The following SEC23IP variants were observed in gnomAD, a reference collection of about 807,000 sequenced individuals.
The protein encoded by SEC23IP is SEC23-interacting protein.
A neutral mutation model predicts 113.4 loss-of-function variants in SEC23IP; 70 were observed. That is an observed-to-expected ratio of 0.62 (90% CI 0.51 to 0.75). SEC23IP has a LOEUF of 0.75. SEC23IP is among the 30% of genes least tolerant of loss of function. The pLI, the probability that SEC23IP is intolerant of heterozygous loss-of-function variation, is 0.00. For synonymous variants in SEC23IP, 398 were observed against 421.0 expected, an observed-to-expected ratio of 0.95 and a Z score of 0.67; for missense variants, 1,160 against 1,204.9, an observed-to-expected ratio of 0.96 and a Z score of 0.55.
rs147878045 is a variant in SEC23IP at position 119,915,751 on chromosome 10, A to G, written c.1406A>G (p.Asp469Gly). The G allele has an allele frequency of 3.9e-6, 6 of 1,531,322 alleles. No homozygotes were observed. The African/African-American group carries it at 5.7e-5, about 15-fold the overall frequency. 94.9% of individuals were successfully genotyped at this position (1,531,322 alleles called of 1,614,324 possible). Reference sequence around the variant, plus strand: ...CTTTTTTTTTTTTCTTTTGAAGTGGATGATTTTAGGGTGGTTTCTCTCAAA... The same window carrying G: ...CTTTTTTTTTTTTCTTTTGAAGTGGGTGATTTTAGGGTGGTTTCTCTCAAA... ...LRFRSIIECV[D>G]DFRVVSLKLL... The change falls in exon 8 of 19, where the codon GAT becomes GGT. Residue 469 changes from aspartate to glycine, a missense_variant. By Grantham distance (94) the Asp-to-Gly change is moderately conservative (BLOSUM62 -1). Coordinates refer to ENST00000369075, the MANE Select transcript of SEC23IP (RefSeq NM_007190.4).
rs200409855 is a variant in SEC23IP, at chr10:119,904,283, G to C, written c.1101+6G>C. The stretch of plus-strand genomic sequence containing the variant: ...AGTTCAGTGAAAAACTAGAGGTACG[G>C]GTGCTTTATTTCTTTATGAGTTTCT... On this transcript the variant is annotated splice_donor_region_variant and intron_variant, in intron 4 of 18. Coordinates refer to ENST00000369075, the MANE Select transcript of SEC23IP (RefSeq NM_007190.4). 19 of 1,613,222 alleles carry C rather than the reference G, an allele frequency of 1.2e-5. No individual in the cohort carries two copies. In the East Asian group the frequency reaches 4.0e-4, roughly 34 times the overall value.
Position 119,942,531 on chromosome 10 carries a change from CT to C in SEC23IP, c.*1968del, listed in dbSNP as rs2134552307. Reference sequence around the variant, plus strand: ...GCTGAGTGAAGCTTGATCTCTGCCTCTTCCTCAGGAGCAGCTCATCCCCTGA... The same window carrying C: ...GCTGAGTGAAGCTTGATCTCTGCCTCTCCTCAGGAGCAGCTCATCCCCTGA... On this transcript the variant is annotated 3_prime_UTR_variant, in exon 19 of 19. Coordinates refer to ENST00000369075, the MANE Select transcript of SEC23IP (RefSeq NM_007190.4). The C allele has an allele frequency of 6.6e-6, 1 of 152,302 alleles. No homozygotes were observed. The highest frequency in any genetic ancestry group is 2.1e-4 in the South Asian group (1 of 4,824). 9.4% of individuals were successfully genotyped at this position (152,302 alleles called of 1,614,324 possible).
intron 12 of SEC23IP, 26 bp from the exon 13 acceptor site, chr10:119,926,010 T>C: frequency 6.3e-7 from 1 of 1,584,988 alleles, no homozygotes; most frequent in Middle Eastern, 1.7e-4. Flanking sequence ...CTCATGATTA[T>C]GTTACTAAAT....
chr10:119,931,264 T>A (rs1855589416), intron 15 of SEC23IP, among the ~76,000 whole-genome samples: 1 of 115,752 alleles, frequency 8.6e-6, no homozygotes, highest in Non-Finnish European at 1.7e-5. Flanking sequence ...TCCGAGAGAC[T>A]CCGTCTCAAA....
At chr10:119,917,590 G>A (rs971206906) in intron 8 of SEC23IP, among the ~76,000 whole-genome samples, 1 of 152,000 alleles carries the variant, frequency 6.6e-6, no homozygotes, top group East Asian at 1.9e-4. Flanking sequence ...TGTTGGCCTG[G>A]TTGGTCTTGA....
At chr10:119,927,740 A>G (rs1271554084) in intron 13 of SEC23IP, among the ~76,000 whole-genome samples, 1 of 152,244 alleles carries the variant, frequency 6.6e-6, no homozygotes, top group Admixed American at 6.5e-5. Flanking sequence ...TGAGGACACA[A>G]TTCAACCCAT....
At chr10:119,936,023 T>G (rs1249608981) in intron 18 of SEC23IP, among the ~76,000 whole-genome samples, 1 of 152,242 alleles carries the variant, frequency 6.6e-6, no homozygotes, top group Admixed American at 6.5e-5. Context: ...TTCTAATCTT[T>G]TATTAGTATG....
At chr10:119,902,034 A>G (rs1854512673) in intron 2 of SEC23IP, among the ~76,000 whole-genome samples, 1 of 152,068 alleles carries the variant, frequency 6.6e-6, no homozygotes. Context: ...TAGAAATGGA[A>G]TGAGTAGGTC....
intron 8 of SEC23IP, among the ~76,000 whole-genome samples, chr10:119,916,975 C>T (rs1289962281): frequency 6.6e-6 from 1 of 151,476 alleles, no homozygotes; most frequent in Non-Finnish European, 1.5e-5. Flanking sequence ...CTCAAGTGAT[C>T]CTCCCACCTC....
intron 1 of SEC23IP, 98 bp from the exon 2 acceptor site, chr10:119,898,329 C>T (rs1347653554): frequency 7.3e-7 from 1 of 1,364,488 alleles, no homozygotes; most frequent in Non-Finnish European, 9.5e-7. Context: ...GTTTGAAGAA[C>T]AAATAAGGAA....
chr10:119,896,555 G>A (rs35225459), intron 1 of SEC23IP, among the ~76,000 whole-genome samples: 8,294 of 152,248 alleles, frequency 0.054, 412 homozygotes, highest in South Asian at 0.25. Context: ...ACACGAGAAT[G>A]GTCTGGGCTT....
At chr10:119,913,460 T>G (rs2475322) in intron 6 of SEC23IP, among the ~76,000 whole-genome samples, 81,893 of 151,826 alleles carry the variant, frequency 0.54, 22,487 homozygotes, top group East Asian at 0.63. Flanking sequence ...CTGAAGACTG[T>G]ATGTAAACAA....
At chr10:119,914,270 ATTAC>A (rs754759782) in intron 6 of SEC23IP, among the ~76,000 whole-genome samples, 7 of 152,208 alleles carry the variant, frequency 4.6e-5, no homozygotes, top group African/African-American at 1.2e-4. Flanking sequence ...CTTCTGTACT[ATTAC>A]TTAAGAATGG....
chr10:119,934,285 G>T (rs1421675026), intron 18 of SEC23IP, among the ~76,000 whole-genome samples: 1 of 152,134 alleles, frequency 6.6e-6, no homozygotes, highest in Non-Finnish European at 1.5e-5. Context: ...GAGGGGAGAG[G>T]GTAGTACTCC....
Position 119,942,022 on chromosome 10 carries a change from TTCTC to T in SEC23IP, c.*1464_*1467del, listed in dbSNP as rs1233360195. The T allele has an allele frequency of 2.0e-5, 3 of 152,206 alleles. No homozygotes were observed. Among genetic ancestry groups the T allele is most frequent in the African/African-American group, 4.8e-5 (2 of 41,448 alleles). The allele number at this position is 152,206 out of a possible 1,614,324, so 9.4% of individuals were successfully genotyped here. A position where few individuals can be genotyped will look rare whatever the true frequency, so the allele number is the denominator to read the frequency against. On this transcript the variant is annotated 3_prime_UTR_variant, in exon 19 of 19. Coordinates refer to ENST00000369075, the MANE Select transcript of SEC23IP (RefSeq NM_007190.4). ...TTCTTGATTCCCTTTCAGCCTTCAT[TTCTC>T]TCTCTCAGGACTACTACTTTTTAAT...
intron 4 of SEC23IP, among the ~76,000 whole-genome samples, chr10:119,906,411 T>G (rs1589827483): frequency 8.5e-6 from 1 of 117,098 alleles, no homozygotes; most frequent in Non-Finnish European, 1.8e-5. Context: ...CACATCAGGG[T>G]TTTTTTTTTT....
rs3981102 is a variant in SEC23IP, at chr10:119,942,262, T to G, written c.*1697T>G. 0.33 allele frequency: 50,239 copies of G among 151,904 alleles called. 8,746 individuals carry two copies. Among genetic ancestry groups the G allele is most frequent in the East Asian group, 0.55 (2,839 of 5,156 alleles). 9.4% of individuals were successfully genotyped at this position (151,904 alleles called of 1,614,324 possible). On this transcript the variant is annotated 3_prime_UTR_variant, in exon 19 of 19. Transcript: ENST00000369075. The stretch of plus-strand genomic sequence containing the variant: ...GTGGCAGCAGTCTTGCCCTTTCATT[T>G]TAATACTTGAGTACACAGAAAATAG...
intron 13 of SEC23IP, among the ~76,000 whole-genome samples, chr10:119,927,491 G>A (rs1199635907): frequency 6.6e-6 from 1 of 152,098 alleles, no homozygotes; most frequent in Non-Finnish European, 1.5e-5. Context: ...GGCAGTTATA[G>A]GTTTATAGAT....
chr10:119,923,603 C>T (rs1344302288), intron 12 of SEC23IP, among the ~76,000 whole-genome samples: 1 of 150,904 alleles, frequency 6.6e-6, no homozygotes, highest in Non-Finnish European at 1.5e-5. Flanking sequence ...GGCTGGAGTG[C>T]AGTGGCACGA....
Sources: allele counts gnomAD v4.1 joint callset (sites outside exome capture counted in the v4.1 genomes callset), GRCh38; gene constraint gnomAD v4.1.1; transcripts MANE v1.5; gene names NCBI Gene and HGNC (gene_info 2026-07-23, HGNC 2026-07-21).